Variants in SAMD5 observed in about 807,000 individuals in gnomAD.
The protein encoded by SAMD5 is sterile alpha motif domain containing 5.
SAMD5 carries 13 observed loss-of-function variants against 11.3 expected under a neutral mutation model. The ratio of observed to expected loss-of-function variants is 1.15; its 90% confidence interval spans 0.75 to 1.83. The LOEUF is 1.83. Ranked by LOEUF, SAMD5 falls within the 40% of genes most tolerant of loss-of-function variation. SAMD5 has a pLI of 0.00. For synonymous variants in SAMD5, 129 were observed against 111.3 expected, an observed-to-expected ratio of 1.16 and a Z score of -1.00; for missense variants, 255 against 239.1, an observed-to-expected ratio of 1.07 and a Z score of -0.44.
At chr6:147,554,647 C>T (rs1788825657) in intron 1 of SAMD5, among the ~76,000 whole-genome samples, 1 of 152,190 alleles carries the variant, frequency 6.6e-6, no homozygotes, top group African/African-American at 2.4e-5. Flanking sequence ...AGAGAAAAGT[C>T]ACCTCACCTT....
At chr6:147,648,456 G>A (rs747527449) in intron 1 of SAMD5, among the ~76,000 whole-genome samples, 18 of 152,254 alleles carry the variant, frequency 1.2e-4, no homozygotes, top group Middle Eastern at 3.4e-3. Flanking sequence ...AAGCTGAGAC[G>A]TTGGGTGGAA....
chr6:147,921,511 A>G, the SAMD5 span, among the ~76,000 whole-genome samples: 1 of 152,156 alleles, frequency 6.6e-6, no homozygotes, highest in African/African-American at 2.4e-5. Context: ...CAACTCATGG[A>G]GTTAAGGTTT....
intron 1 of SAMD5, among the ~76,000 whole-genome samples, chr6:147,627,196 A>G (rs1001145798): frequency 6.6e-6 from 1 of 152,182 alleles, no homozygotes; most frequent in Non-Finnish European, 1.5e-5. Flanking sequence ...CAGAGGAAGC[A>G]CTTTTTTTTC....
the SAMD5 span, among the ~76,000 whole-genome samples, chr6:147,835,960 C>T: frequency 6.6e-6 from 1 of 152,208 alleles, no homozygotes; most frequent in Non-Finnish European, 1.5e-5. Flanking sequence ...TGCTTACATG[C>T]ACATTCAATT....
At chr6:147,585,116 T>C (rs1044803553) in intron 1 of SAMD5, among the ~76,000 whole-genome samples, 3 of 152,296 alleles carry the variant, frequency 2.0e-5, no homozygotes, top group African/African-American at 4.8e-5. Context: ...CTCTTACTTA[T>C]GAGAGGTGTG....
At chr6:147,759,202 T>C in the SAMD5 span, among the ~76,000 whole-genome samples, 2 of 152,222 alleles carry the variant, frequency 1.3e-5, no homozygotes, top group Non-Finnish European at 2.9e-5. Context: ...GAGTGATAGA[T>C]GCCCCATTAT....
At chr6:147,845,885 G>C in the SAMD5 span, among the ~76,000 whole-genome samples, 1 of 152,086 alleles carries the variant, frequency 6.6e-6, no homozygotes, top group East Asian at 1.9e-4. Flanking sequence ...ATTTATCTTG[G>C]AGAAATGAGA....
intron 1 of SAMD5, among the ~76,000 whole-genome samples, chr6:147,592,955 T>G (rs1346971872): frequency 6.6e-6 from 1 of 152,166 alleles, no homozygotes; most frequent in African/African-American, 2.4e-5. Context: ...TAGAAGAGAC[T>G]TCAGGATCAT....
the SAMD5 span, among the ~76,000 whole-genome samples, chr6:147,798,938 C>T: frequency 6.6e-6 from 1 of 152,102 alleles, no homozygotes; most frequent in Non-Finnish European, 1.5e-5. Context: ...TTCCTCCATC[C>T]TTTTATTTTG....
At chr6:147,767,310 G>T in the SAMD5 span, among the ~76,000 whole-genome samples, 1 of 151,460 alleles carries the variant, frequency 6.6e-6, no homozygotes, top group African/African-American at 2.5e-5. Flanking sequence ...GAATTGTGAT[G>T]TTGATGCAGT....
the SAMD5 span, among the ~76,000 whole-genome samples, chr6:147,770,535 T>C: frequency 2.6e-5 from 4 of 152,178 alleles, no homozygotes; most frequent in Non-Finnish European, 5.9e-5. Flanking sequence ...GCAATGTCGA[T>C]CCTAAATCTG....
At chr6:147,534,538 C>A (rs1310235897) in intron 1 of SAMD5, among the ~76,000 whole-genome samples, 1 of 152,140 alleles carries the variant, frequency 6.6e-6, no homozygotes, top group Non-Finnish European at 1.5e-5. Flanking sequence ...TCAAGTCAGT[C>A]TCCCCGAGCA....
chr6:147,705,750 A>G (rs966840682), intron 1 of SAMD5, among the ~76,000 whole-genome samples: 10 of 152,340 alleles, frequency 6.6e-5, no homozygotes, highest in African/African-American at 2.2e-4. Flanking sequence ...AGAGTAACCC[A>G]GCTGTCCAGC....
chr6:147,896,530 A>G, the SAMD5 span, among the ~76,000 whole-genome samples: 1 of 152,096 alleles, frequency 6.6e-6, no homozygotes, highest in Non-Finnish European at 1.5e-5. Context: ...GGTTTGCCAC[A>G]TGATCTGGCC....
intron 1 of SAMD5, among the ~76,000 whole-genome samples, chr6:147,683,700 A>G (rs1286480696): frequency 2.0e-5 from 3 of 152,192 alleles, no homozygotes; most frequent in Non-Finnish European, 4.4e-5. Context: ...GTTTGGTAGC[A>G]CTGCTTGATT....
the SAMD5 span, among the ~76,000 whole-genome samples, chr6:147,751,439 C>T: frequency 6.6e-6 from 1 of 152,064 alleles, no homozygotes; most frequent in Non-Finnish European, 1.5e-5. Context: ...TGAACAGTTC[C>T]TGGTACATAG....
chr6:147,816,301 A>AAAAAAAAAAAAAAAATCTATAT, the SAMD5 span, among the ~76,000 whole-genome samples: 1 of 66,362 alleles, frequency 1.5e-5, no homozygotes, highest in Non-Finnish European at 2.4e-5. Context: ...AAAAAAAAAA[A>AAAAAAAAAAAAAAAATCTATAT]ATATATATAT....
chr6:147,847,857 A>G, the SAMD5 span, among the ~76,000 whole-genome samples: 2 of 152,134 alleles, frequency 1.3e-5, no homozygotes, highest in African/African-American at 4.8e-5. Context: ...CATCTCAAAA[A>G]AACAAAAAAC....
chr6:147,586,198 G>T (rs1789371283), intron 1 of SAMD5, among the ~76,000 whole-genome samples: 1 of 152,184 alleles, frequency 6.6e-6, no homozygotes, highest in South Asian at 2.1e-4. Flanking sequence ...TGCTGCTGCT[G>T]CTTCTCTTGG....
Sources: allele counts gnomAD v4.1 joint callset (sites outside exome capture counted in the v4.1 genomes callset), GRCh38; gene constraint gnomAD v4.1.1; transcripts MANE v1.5; gene names NCBI Gene and HGNC (gene_info 2026-07-23, HGNC 2026-07-21).